The following LRRFIP1 variants were observed in gnomAD, a reference collection of about 807,000 sequenced individuals.
The protein encoded by LRRFIP1 is leucine-rich repeat flightless-interacting protein 1.
A neutral mutation model predicts 104.4 loss-of-function variants in LRRFIP1; 62 were observed. The ratio of observed to expected loss-of-function variants is 0.59; its 90% confidence interval spans 0.48 to 0.73. The LOEUF is 0.73. Ranked by LOEUF, LRRFIP1 falls within the 30% of genes least tolerant of loss-of-function variation. LRRFIP1 has a pLI of 0.00. For missense variants in LRRFIP1, 796 were observed against 824.5 expected (o/e 0.97, Z 0.42); for synonymous variants, 300 against 299.0 (o/e 1.00, Z -0.03).
intron 1 of LRRFIP1, among the ~76,000 whole-genome samples, chr2:237,630,699 G>C (rs2082217557): frequency 6.6e-6 from 1 of 152,186 alleles, no homozygotes; most frequent in South Asian, 2.1e-4. Flanking sequence ...AAGTATATTG[G>C]CTGGAGCACA....
At chr2:237,752,999 G>C (rs540193778) in intron 14 of LRRFIP1, among the ~76,000 whole-genome samples, 8 of 152,212 alleles carry the variant, frequency 5.3e-5, no homozygotes, top group Non-Finnish European at 1.0e-4. Context: ...GGATTCCCCA[G>C]CTACTGAGTG....
intron 23 of LRRFIP1, 104 bp downstream of exon 23, chr2:237,774,566 G>C: frequency 2.7e-6 from 2 of 754,498 alleles, no homozygotes; most frequent in South Asian, 3.4e-5. Flanking sequence ...CCCTGGGCTG[G>C]TCATTGTCAG....
chr2:237,635,137 A>G (rs1235995883), intron 1 of LRRFIP1, among the ~76,000 whole-genome samples: 1 of 152,178 alleles, frequency 6.6e-6, no homozygotes, highest in Non-Finnish European at 1.5e-5. Context: ...TAGCTTTCGG[A>G]GCAAGAATGC....
intron 14 of LRRFIP1, among the ~76,000 whole-genome samples, chr2:237,752,524 C>G (rs1395557541): frequency 5.9e-5 from 9 of 152,360 alleles, no homozygotes; most frequent in Admixed American, 3.3e-4. Context: ...CCCTCCAGCC[C>G]CCTGGTAGCC....
intron 23 of LRRFIP1, among the ~76,000 whole-genome samples, chr2:237,775,041 C>T (rs941468300): frequency 2.0e-5 from 3 of 152,232 alleles, no homozygotes; most frequent in Non-Finnish European, 2.9e-5. Flanking sequence ...CGTTGCATGC[C>T]GGGCACGGGT....
chr2:237,741,191 C>G (rs1258480653), intron 11 of LRRFIP1, among the ~76,000 whole-genome samples: 1 of 152,202 alleles, frequency 6.6e-6, no homozygotes, highest in African/African-American at 2.4e-5. Context: ...GTAATCTCTC[C>G]CCAGAGTGCA....
At chr2:237,697,611 G>C (rs2093276308) in intron 1 of LRRFIP1, among the ~76,000 whole-genome samples, 1 of 152,212 alleles carries the variant, frequency 6.6e-6, no homozygotes, top group Admixed American at 6.5e-5. Context: ...GTCAGTTGCT[G>C]TGTGCTGCCC....
chr2:237,682,194 G>A (rs980376345), intron 1 of LRRFIP1, among the ~76,000 whole-genome samples: 2 of 152,112 alleles, frequency 1.3e-5, no homozygotes, highest in Non-Finnish European at 2.9e-5. Context: ...CTTGTTTTGC[G>A]GGAAAAAAAT....
intron 1 of LRRFIP1, among the ~76,000 whole-genome samples, chr2:237,655,770 A>C: frequency 6.6e-6 from 1 of 152,248 alleles, no homozygotes; most frequent in Non-Finnish European, 1.5e-5. Context: ...TGTTGACTGA[A>C]ACCCAACCAC....
chr2:237,680,442 A>G (rs1389932101), intron 1 of LRRFIP1, among the ~76,000 whole-genome samples: 1 of 152,260 alleles, frequency 6.6e-6, no homozygotes, highest in Non-Finnish European at 1.5e-5. Context: ...AACTATTTAC[A>G]TAGCATTTAC....
rs1326054296 is a variant in LRRFIP1, at chr2:237,649,666, G to C, written c.96+21926G>C. Among the ~76,000 whole-genome samples, 1 of 151,922 alleles carries C rather than the reference G, an allele frequency of 6.6e-6. No individual in the cohort carries two copies. Among genetic ancestry groups the C allele is most frequent in the Non-Finnish European group, 1.5e-5 (1 of 67,946 alleles). On this transcript the variant is annotated intron_variant, in intron 1 of 23. Coordinates refer to ENST00000308482, the MANE Select transcript of LRRFIP1 (RefSeq NM_001137550.2). This position sits in a 1 kb window ranked among gnomAD's most constrained non-coding sequence, Gnocchi z 4.1. ...GGTTGCTGTCCATGCAGACTGTGAG[G>C]GATGTTCACATGTCACATTTCTCAC... is the stretch of plus-strand genomic sequence containing the variant.
chr2:237,733,798 C>G lies in LRRFIP1; in HGVS notation c.469C>G (p.Arg157Gly), dbSNP rs542761172. The G allele has an allele frequency of 1.4e-5, 22 of 1,614,054 alleles. No individual in the cohort carries two copies. The highest frequency in any genetic ancestry group is 2.2e-5 in the South Asian group (2 of 91,086). Residue 157 changes from arginine (R) to glycine (G), a missense_variant, in exon 9 of 24, where the codon CGG (arginine) becomes GGG (glycine). Transcript: ENST00000308482. ...GCCCTCCTGTCTGTACAGCGCTGCCCGGCCTTCGGGGAGTTACCGGGTGCG... is the reference window on the plus strand; with the variant it reads ...GCCCTCCTGTCTGTACAGCGCTGCCGGGCCTTCGGGGAGTTACCGGGTGCG... ...GRPSCLYSAA[R>G]PSGSYRASVL... is the part of the protein sequence containing the mutation.
At chr2:237,715,392 C>A (rs1433958983) in intron 3 of LRRFIP1, among the ~76,000 whole-genome samples, 2 of 152,206 alleles carry the variant, frequency 1.3e-5, no homozygotes, top group Admixed American at 1.3e-4. Context: ...CTGTAACTGA[C>A]AGCAGGACGC....
chr2:237,713,075 G>T (rs766837775), intron 2 of LRRFIP1, among the ~76,000 whole-genome samples: 1 of 151,996 alleles, frequency 6.6e-6, no homozygotes, highest in Admixed American at 6.5e-5. Flanking sequence ...TGAGGGGGCC[G>T]CTCTGAGAAC....
At chr2:237,708,398 AC>A (rs2093916857) in intron 1 of LRRFIP1, 145 bp from the exon 2 acceptor site, 2 of 602,116 alleles carry the variant, frequency 3.3e-6, no homozygotes, top group East Asian at 2.8e-5. Context: ...GCTCCTGACC[AC>A]CCTTTTACTC....
chr2:237,627,758 G>A lies in LRRFIP1; in HGVS notation c.96+18G>A, dbSNP rs1185780636. 8.2e-7 allele frequency: 1 copy of A among 1,226,352 alleles called. No homozygotes were observed. The highest frequency in any genetic ancestry group is 2.6e-5 in the South Asian group (1 of 38,490). 76.0% of individuals were successfully genotyped at this position (1,226,352 alleles called of 1,614,324 possible). On this transcript the variant is annotated intron_variant, in intron 1 of 23. Coordinates refer to ENST00000308482, the MANE Select transcript of LRRFIP1 (RefSeq NM_001137550.2). ...CGCGGGAGGTGAGCGCTCCGGGAGG[G>A]CAGCCGGGGGGCGCCGGGCGGGCGC...
chr2:237,743,707 G>A (rs2057421838), intron 11 of LRRFIP1, among the ~76,000 whole-genome samples: 2 of 152,202 alleles, frequency 1.3e-5, no homozygotes, highest in South Asian at 4.1e-4. Flanking sequence ...ACAGACAGGG[G>A]CAGACGGATG....
At chr2:237,639,523 G>T (rs1179865972) in intron 1 of LRRFIP1, among the ~76,000 whole-genome samples, 1 of 152,166 alleles carries the variant, frequency 6.6e-6, no homozygotes, top group African/African-American at 2.4e-5. Flanking sequence ...TTGGTGCCCA[G>T]GTCTTTGGTT....
At chr2:237,719,182 G>T (rs909164104) in intron 4 of LRRFIP1, among the ~76,000 whole-genome samples, 1 of 152,208 alleles carries the variant, frequency 6.6e-6, no homozygotes, top group African/African-American at 2.4e-5. Context: ...CCCGAAGAGA[G>T]TGAGGTTCTG....
Sources: gnomAD v4.1 joint callset for allele counts (sites outside exome capture counted in the v4.1 genomes callset) on GRCh38, gnomAD v4.1.1 for gene constraint, Gnocchi (gnomAD v3.1) non-coding constraint, MANE v1.5 for transcripts, NCBI Gene and HGNC (gene_info 2026-07-23, HGNC 2026-07-21) for gene names.